RGS7: variants seen among roughly 807,000 people sequenced by gnomAD.
RGS7 encodes regulator of G protein signaling 7, also known as regulator of G-protein signaling 7.
In RGS7, 27 loss-of-function variants were observed where a neutral mutation model predicts 81.1. The ratio of observed to expected loss-of-function variants is 0.33; its 90% CI spans 0.25 to 0.46. The LOEUF is 0.46. Among genes scored for constraint, RGS7 ranks in the 20% least tolerant of loss-of-function variants. RGS7 has a pLI of 1.00. For synonymous variants in RGS7, 208 were observed against 207.7 expected (o/e 1.00, Z -0.01); for missense variants, 396 against 607.4 (o/e 0.65, Z 3.66).
At chr1:240,977,712 T>A (rs539181899) in intron 4 of RGS7, among the ~76,000 whole-genome samples, 5 of 152,148 alleles carry the variant, frequency 3.3e-5, no homozygotes, top group Admixed American at 3.3e-4. Context: ...AAACCCTCAA[T>A]GCCGGAGTGG....
intron 3 of RGS7, among the ~76,000 whole-genome samples, chr1:240,985,441 C>CT (rs11437342): frequency 0.081 from 12,301 of 151,188 alleles, 1,640 homozygotes; most frequent in African/African-American, 0.28. Context: ...CTTTCCTTTT[C>CT]TTTTTTTTTC....
At chr1:240,802,749 A>C (rs190328558) in intron 16 of RGS7, among the ~76,000 whole-genome samples, 155 bp downstream of exon 16, 3 of 152,298 alleles carry the variant, frequency 2.0e-5, no homozygotes, top group African/African-American at 7.2e-5. Flanking sequence ...GAAACAACTT[A>C]AATGGCCCTT....
intron 6 of RGS7, among the ~76,000 whole-genome samples, chr1:240,886,215 C>T (rs1018383015): frequency 6.6e-6 from 1 of 152,074 alleles, no homozygotes; most frequent in Admixed American, 6.6e-5. Flanking sequence ...ATTTCTCTGT[C>T]TCTTATTTAA....
In RGS7 at chr1:240,843,782, G is replaced by A. The variant is rs908328874; in HGVS notation, c.610-16610C>T. 2.6e-5 allele frequency among the ~76,000 whole-genome samples: 4 copies of A among 152,170 alleles called. No homozygotes were observed. In the East Asian group the frequency reaches 7.7e-4, roughly 29 times the overall value. ...TAATTTAATTGTCTTTCTCAGGAAA[G>A]AGAAAATTCATTTGAAGAAGATAGC... On this transcript the variant is annotated intron_variant, in intron 9 of 18. Transcript: ENST00000440928.
chr1:240,999,434 C>T (rs1425213536), intron 3 of RGS7, among the ~76,000 whole-genome samples: 1 of 152,060 alleles, frequency 6.6e-6, no homozygotes, highest in East Asian at 1.9e-4. Context: ...GCTTTTGGGC[C>T]ATATTCAAAG....
chr1:241,346,806 T>C (rs1201856809), intron 2 of RGS7, among the ~76,000 whole-genome samples: 1 of 152,122 alleles, frequency 6.6e-6, no homozygotes, highest in Non-Finnish European at 1.5e-5. Flanking sequence ...ACTCAATAAT[T>C]AACAATCAAC....
rs374749267 is a variant in RGS7, at chr1:240,870,070, G to A, written c.435C>T (p.Leu145=). 1.7e-5 allele frequency: 27 copies of A among 1,613,838 alleles called. No homozygotes were observed. The highest frequency in any genetic ancestry group is 1.6e-4 in the Middle Eastern group (1 of 6,084). ...RTMQNKARLE[L]ADYEAESLAR... ...TGGTACTTACAGCCTCATAGTCTGC[G>A]AGCTCCAGTCGTGCCTTGTTTTGCA... The change falls in exon 7 of 19, where the codon CTC becomes CTT. Residue 145 remains leucine (L), a synonymous_variant. Transcript: ENST00000440928.
intron 18 of RGS7, among the ~76,000 whole-genome samples, chr1:240,777,349 T>C (rs570644466): frequency 1.5e-4 from 23 of 152,356 alleles, no homozygotes; most frequent in African/African-American, 5.3e-4. Flanking sequence ...ATTTCATGTC[T>C]TATTTTATAT....
chr1:240,838,637 T>C (rs756948879), intron 9 of RGS7, among the ~76,000 whole-genome samples: 6 of 152,180 alleles, frequency 3.9e-5, no homozygotes, highest in Non-Finnish European at 8.8e-5. Context: ...TTATTTTCAG[T>C]GCTAGGGAAA....
chr1:241,312,674 C>T (rs1281803784), intron 2 of RGS7, among the ~76,000 whole-genome samples: 1 of 152,140 alleles, frequency 6.6e-6, no homozygotes, highest in Non-Finnish European at 1.5e-5. Flanking sequence ...TCCCACTCCT[C>T]GGGCCCCTCT....
At chr1:240,982,014 A>G (rs1018962977) in intron 4 of RGS7, among the ~76,000 whole-genome samples, 8 of 152,202 alleles carry the variant, frequency 5.3e-5, no homozygotes, top group Admixed American at 2.0e-4. Flanking sequence ...CCAGCTTTTC[A>G]TAACTATTGT....
At chr1:241,337,742 G>T (rs1246832423) in intron 2 of RGS7, among the ~76,000 whole-genome samples, 1 of 152,156 alleles carries the variant, frequency 6.6e-6, no homozygotes, top group South Asian at 2.1e-4. Context: ...AAATTCTGGT[G>T]CCAATGCTCC....
chr1:240,914,378 C>T (rs1253466798), intron 6 of RGS7, among the ~76,000 whole-genome samples: 1 of 152,110 alleles, frequency 6.6e-6, no homozygotes, highest in African/African-American at 2.4e-5. Flanking sequence ...GGTTTCTCTC[C>T]TTTTCTGTTT....
chr1:241,160,771 C>A (rs770706707), intron 2 of RGS7, among the ~76,000 whole-genome samples: 2 of 152,164 alleles, frequency 1.3e-5, no homozygotes, highest in Non-Finnish European at 2.9e-5. Context: ...GAAGAAGCTG[C>A]AAATTTTGGG....
intron 18 of RGS7, among the ~76,000 whole-genome samples, chr1:240,778,235 A>C (rs529058219): frequency 2.0e-5 from 3 of 152,350 alleles, no homozygotes; most frequent in African/African-American, 7.2e-5. Context: ...CTGGCTCCTG[A>C]TACCATCACC....
At chr1:240,993,113 GGGAA>G (rs369066835) in intron 3 of RGS7, among the ~76,000 whole-genome samples, 39,429 of 125,556 alleles carry the variant, frequency 0.31, 7,549 homozygotes, top group Middle Eastern at 0.38. Context: ...GAGGGAGGGA[GGGAA>G]GGAAGGAAGG....
chr1:240,917,769 T>C (rs1672836414), intron 6 of RGS7, among the ~76,000 whole-genome samples: 1 of 152,080 alleles, frequency 6.6e-6, no homozygotes, highest in African/African-American at 2.4e-5. Context: ...CCAACAATAT[T>C]AATAACCACT....
At chr1:240,987,529 CTT>C (rs541070675) in intron 3 of RGS7, among the ~76,000 whole-genome samples, 6 of 140,848 alleles carry the variant, frequency 4.3e-5, no homozygotes, top group Admixed American at 1.4e-4. Context: ...AACTATTCTT[CTT>C]TTTTTTTTTT....
At chr1:241,023,851 T>G (rs2059661347) in intron 3 of RGS7, among the ~76,000 whole-genome samples, 1 of 152,172 alleles carries the variant, frequency 6.6e-6, no homozygotes, top group Non-Finnish European at 1.5e-5. Flanking sequence ...GTTCAAGAGA[T>G]TCTCCTGCCT....
Sources: gnomAD v4.1 joint callset for allele counts (sites outside exome capture counted in the v4.1 genomes callset) on GRCh38, gnomAD v4.1.1 for gene constraint, MANE v1.5 for transcripts, NCBI Gene and HGNC (gene_info 2026-07-23, HGNC 2026-07-21) for gene names.